Variants in EEF2K observed in about 807,000 individuals in gnomAD.
EEF2K encodes eukaryotic elongation factor 2 kinase, also known as alternative protein EEF2K.
A neutral mutation model predicts 93.8 loss-of-function variants in EEF2K; 70 were observed. The observed-to-expected ratio is 0.75, with a 90% CI of 0.62 to 0.91. The LOEUF (loss-of-function observed/expected upper bound fraction) is 0.91. Ranked by LOEUF, EEF2K falls within the 40% of genes least tolerant of loss-of-function variation. The pLI, the probability that EEF2K is intolerant of heterozygous loss-of-function variation, is 0.00. For missense variants in EEF2K, 935 were observed against 972.9 expected, an observed-to-expected ratio of 0.96 and a Z score of 0.52; for synonymous variants, 376 against 380.8, an observed-to-expected ratio of 0.99 and a Z score of 0.15.
At chr16:22,217,385 T>G (rs548877437) in intron 1 of EEF2K, among the ~76,000 whole-genome samples, 1 of 152,086 alleles carries the variant, frequency 6.6e-6, no homozygotes, top group African/African-American at 2.4e-5. Flanking sequence ...ACAGTGGCCC[T>G]AGTAAGAAAA....
intron 15 of EEF2K, among the ~76,000 whole-genome samples, chr16:22,271,723 AAAT>A (rs966178599): frequency 2.6e-5 from 4 of 152,104 alleles, no homozygotes; most frequent in Non-Finnish European, 5.9e-5. Flanking sequence ...AAACAAGAAA[AAAT>A]AATATGTGGT....
At chr16:22,264,757 G>A (rs2047500447) in intron 12 of EEF2K, 61 bp from the exon 13 acceptor site, 1 of 1,600,060 alleles carries the variant, frequency 6.2e-7, no homozygotes, top group African/African-American at 1.3e-5. Context: ...CCAGCTCTCA[G>A]GAGAGGTTCC....
At chr16:22,243,329 A>G (rs1322647125) in intron 2 of EEF2K, among the ~76,000 whole-genome samples, 1 of 146,522 alleles carries the variant, frequency 6.8e-6, no homozygotes, top group Non-Finnish European at 1.5e-5. Context: ...TCGGCTCACT[A>G]CAACCTCTGC....
chr16:22,245,724 A>G (rs75244781), intron 3 of EEF2K, among the ~76,000 whole-genome samples: 358 of 152,202 alleles, frequency 2.4e-3, no homozygotes, highest in African/African-American at 8.3e-3. Flanking sequence ...GGAGAGATGG[A>G]AATGTTCCCT....
chr16:22,231,227 T>G (rs917767458), intron 2 of EEF2K, among the ~76,000 whole-genome samples: 5 of 152,042 alleles, frequency 3.3e-5, no homozygotes, highest in Admixed American at 1.3e-4. Flanking sequence ...TAGCTGGGAT[T>G]ACAGCCGCCC....
chr16:22,211,144 C>T (rs1339009122), intron 1 of EEF2K, among the ~76,000 whole-genome samples: 1 of 152,194 alleles, frequency 6.6e-6, no homozygotes, highest in Non-Finnish European at 1.5e-5. Context: ...CTGTGGTTTT[C>T]AGGCCCCCTC....
At chr16:22,274,067 A>G (rs1053080914) in intron 16 of EEF2K, among the ~76,000 whole-genome samples, 1 of 152,180 alleles carries the variant, frequency 6.6e-6, no homozygotes, top group Non-Finnish European at 1.5e-5. Flanking sequence ...GTACTTTGGG[A>G]GGCCAAGGCG....
intron 2 of EEF2K, 108 bp downstream of exon 2, chr16:22,226,083 G>A: frequency 6.7e-7 from 1 of 1,490,220 alleles, no homozygotes; most frequent in Non-Finnish European, 9.1e-7. Context: ...ACCCTGGACA[G>A]TGCTCTAAAC....
intron 1 of EEF2K, among the ~76,000 whole-genome samples, chr16:22,217,855 T>G (rs1214870994): frequency 1.3e-5 from 2 of 152,342 alleles, no homozygotes; most frequent in African/African-American, 4.8e-5. Flanking sequence ...TATTGTATCA[T>G]CTGATTCAGA....
In EEF2K at chr16:22,273,556, G is replaced by C; in HGVS notation, c.1765-70G>C. On this transcript the variant is annotated intron_variant, in intron 15 of 17. Coordinates refer to ENST00000263026, the MANE Select transcript of EEF2K (RefSeq NM_013302.5). ...AAAAACAGGGTGAAGATTGAGTAGT[G>C]AGATCTTGGCAGCCCTCGAGTGTAA... is the stretch of plus-strand genomic sequence containing the variant. 5 of 1,579,078 alleles carry C rather than the reference G, an allele frequency of 3.2e-6. No individual in the cohort carries two copies. The South Asian group carries it at 5.8e-5, about 18-fold the overall frequency.
At chr16:22,228,966 A>G (rs2047090077) in intron 2 of EEF2K, among the ~76,000 whole-genome samples, 1 of 152,142 alleles carries the variant, frequency 6.6e-6, no homozygotes, top group Non-Finnish European at 1.5e-5. Context: ...ATTATTTTTA[A>G]CTTTATTATT....
chr16:22,261,210 C>T (rs2047458832), intron 11 of EEF2K, among the ~76,000 whole-genome samples: 1 of 151,656 alleles, frequency 6.6e-6, no homozygotes, highest in Admixed American at 6.6e-5. Flanking sequence ...CCCATCTCTA[C>T]AAAAAAATAC....
At chr16:22,237,511 G>A (rs2047179262) in intron 2 of EEF2K, among the ~76,000 whole-genome samples, 1 of 151,658 alleles carries the variant, frequency 6.6e-6, no homozygotes, top group Non-Finnish European at 1.5e-5. Context: ...GGTGGCGTGT[G>A]CCCATAGGCC....
rs1171625965 is a variant in EEF2K, at chr16:22,284,433, A to G, written c.*437A>G. 6.1e-6 allele frequency: 1 copy of G among 164,958 alleles called. No homozygotes were observed. Among genetic ancestry groups the G allele is most frequent in the African/African-American group, 2.4e-5 (1 of 41,648 alleles). 10.2% of individuals were successfully genotyped at this position (164,958 alleles called of 1,614,324 possible). ...GTAGCTGGGATTACTGGTGCACACCACCACACTCAGCTAATTTTTGCATTT... is the reference window on the plus strand; with the variant it reads ...GTAGCTGGGATTACTGGTGCACACCGCCACACTCAGCTAATTTTTGCATTT... On this transcript the variant is annotated 3_prime_UTR_variant, in exon 18 of 18. Coordinates refer to ENST00000263026, the MANE Select transcript of EEF2K (RefSeq NM_013302.5).
In EEF2K at chr16:22,206,438, C is replaced by T. The variant is rs1189745087; in HGVS notation, c.-318C>T. 1.3e-5 allele frequency: 2 copies of T among 152,542 alleles called. No individual in the cohort carries two copies. The highest frequency in any genetic ancestry group is 6.5e-5 in the Admixed American group (1 of 15,284). The allele number at this position is 152,542 out of a possible 1,614,324, so 9.4% of individuals were successfully genotyped here. A position where few individuals can be genotyped will look rare whatever the true frequency, so the allele number is the denominator to read the frequency against. Reference sequence around the variant, plus strand: ...CACATCCCGGGATCGTCCCAACGGCCCCTGCGCCCTTCCTGGGATCACTCC... The same window carrying T: ...CACATCCCGGGATCGTCCCAACGGCTCCTGCGCCCTTCCTGGGATCACTCC... On this transcript the variant is annotated 5_prime_UTR_variant, in exon 1 of 18. Transcript: ENST00000263026.
intron 6 of EEF2K, among the ~76,000 whole-genome samples, chr16:22,253,277 G>A (rs2047368483): frequency 6.6e-6 from 1 of 152,200 alleles, no homozygotes; most frequent in Non-Finnish European, 1.5e-5. Context: ...ATCTTCCACA[G>A]CTTGAGCATC....
At chr16:22,238,724 C>G (rs550185745) in intron 2 of EEF2K, among the ~76,000 whole-genome samples, 1 of 150,790 alleles carries the variant, frequency 6.6e-6, no homozygotes, top group African/African-American at 2.4e-5. Context: ...CTGGACACAC[C>G]TGGGTAGGTG....
intron 8 of EEF2K, 120 bp downstream of exon 8, chr16:22,257,505 A>G: frequency 6.5e-7 from 1 of 1,546,432 alleles, no homozygotes; most frequent in Non-Finnish European, 8.7e-7. Flanking sequence ...AAGATCATGG[A>G]GATGGGAGCC....
chr16:22,222,848 A>C (rs1229772065), intron 1 of EEF2K, among the ~76,000 whole-genome samples: 6 of 151,440 alleles, frequency 4.0e-5, no homozygotes, highest in Non-Finnish European at 8.8e-5. Context: ...GTGCCACTGC[A>C]CTCCAGCCTG....
Sources: allele counts gnomAD v4.1 joint callset (sites outside exome capture counted in the v4.1 genomes callset), GRCh38; gene constraint gnomAD v4.1.1; transcripts MANE v1.5; gene names NCBI Gene and HGNC (gene_info 2026-07-23, HGNC 2026-07-21).